The following MYH9 variants were observed in gnomAD, a reference collection of about 807,000 sequenced individuals.
MYH9 encodes the protein myosin heavy chain 9.
A neutral mutation model predicts 241.9 loss-of-function variants in MYH9; 29 were observed. The observed-to-expected ratio is 0.12, with a 90% CI of 0.09 to 0.16. The LOEUF is 0.16. MYH9 is among the 10% of genes least tolerant of loss of function. The pLI is 1.00. For missense variants in MYH9, 1,803 were observed against 2,595.5 expected (o/e 0.69, Z 6.63); for synonymous variants, 1,047 against 1,062.6 (o/e 0.99, Z 0.29).
chr22:36,297,304 C>G (rs901882981), intron 24 of MYH9: 1 of 453,452 alleles, frequency 2.2e-6, no homozygotes, highest in Non-Finnish European at 4.0e-6. Flanking sequence ...GAAGGCTGTA[C>G]CATGTCTGTA....
Position 36,375,955 on chromosome 22 carries a change from C to CTTTT in MYH9, c.-20+11848_-20+11851dup, listed in dbSNP as rs751350180. The stretch of plus-strand genomic sequence containing the variant: ...AGTACATACAAGTGCTCAATAATTT[C>CTTTT]TTTTTTTTTTTTTTTTTTTTTTTGA... On this transcript the variant is annotated intron_variant, in intron 1 of 40. Coordinates refer to ENST00000216181, the MANE Select transcript of MYH9 (RefSeq NM_002473.6). 2.9e-3 allele frequency among the ~76,000 whole-genome samples: 259 copies of CTTTT among 89,086 alleles called. 1 individual carries two copies. Among genetic ancestry groups the CTTTT allele is most frequent in the Non-Finnish European group, 4.0e-3 (189 of 47,528 alleles). 58.4% of individuals were successfully genotyped at this position (89,086 alleles called of 152,430 possible). A position where few individuals can be genotyped will look rare whatever the true frequency, so the allele number is the denominator to read the frequency against.
At chr22:36,339,696 T>C (rs1344673505) in intron 3 of MYH9, among the ~76,000 whole-genome samples, 1 of 152,148 alleles carries the variant, frequency 6.6e-6, no homozygotes, top group Non-Finnish European at 1.5e-5. Flanking sequence ...ACTGTCTAGA[T>C]AGACTGCAAA....
At chr22:36,376,270 T>C (rs2018165797) in intron 1 of MYH9, among the ~76,000 whole-genome samples, 1 of 152,096 alleles carries the variant, frequency 6.6e-6, no homozygotes, top group Non-Finnish European at 1.5e-5. Flanking sequence ...CAGTAAACTT[T>C]AATAATTATA....
chr22:36,314,913 T>G (rs2017126618), intron 12 of MYH9, among the ~76,000 whole-genome samples: 1 of 152,176 alleles, frequency 6.6e-6, no homozygotes, highest in Non-Finnish European at 1.5e-5. Flanking sequence ...CCTCTCGAAG[T>G]GCTGGGACTA....
intron 3 of MYH9, among the ~76,000 whole-genome samples, chr22:36,334,928 A>T (rs555003772): frequency 4.2e-4 from 64 of 152,274 alleles, no homozygotes; most frequent in African/African-American, 1.5e-3. Context: ...TGCTCTGTCT[A>T]GTCCAAAACC....
intron 27 of MYH9, among the ~76,000 whole-genome samples, chr22:36,294,508 C>T (rs2016758731): frequency 6.6e-6 from 1 of 152,238 alleles, no homozygotes; most frequent in African/African-American, 2.4e-5. Context: ...GTCTTCACTG[C>T]TTAGGACATC....
chr22:36,324,929 TG>T (rs2017311804), intron 5 of MYH9: 1 of 629,224 alleles, frequency 1.6e-6, no homozygotes, highest in Non-Finnish European at 2.9e-6. Context: ...GTAAGGCATA[TG>T]ATCTATTTCA....
At chr22:36,291,683 T>TAAAAAAAAAAAAAAAAAAAAAAAA (rs66686435) in intron 31 of MYH9, among the ~76,000 whole-genome samples, 1 of 86,938 alleles carries the variant, frequency 1.2e-5, no homozygotes, top group Non-Finnish European at 2.3e-5. Context: ...ATAAAAAAAT[T>TAAAAAAAAAAAAAAAAAAAAAAAA]AAAAAAAAAA....
rs1476286437 is a variant in MYH9, at chr22:36,285,450, C to T, written c.5275-121G>A. The T allele has an allele frequency of 1.3e-5, 18 of 1,338,026 alleles. No individual in the cohort carries two copies. The highest frequency in any genetic ancestry group is 2.9e-5 in the African/African-American group (2 of 69,430). The allele number at this position is 1,338,026 out of a possible 1,614,324, so 82.9% of individuals were successfully genotyped here. On this transcript the variant is annotated intron_variant, in intron 37 of 40. Transcript: ENST00000216181. The surrounding 1 kb of genome is among the most constrained non-coding windows in gnomAD (Gnocchi z 7.0). ...ACCCTTGGGGTCCAGAGTCTTGGGTCTCCCAGAAAAGGGAAGATTAGAAAC... is the reference window on the plus strand; with the variant it reads ...ACCCTTGGGGTCCAGAGTCTTGGGTTTCCCAGAAAAGGGAAGATTAGAAAC...
At chr22:36,284,297 G>C in intron 39 of MYH9, 32 bp from the exon 40 acceptor site, 1 of 1,605,416 alleles carries the variant, frequency 6.2e-7, no homozygotes, top group Non-Finnish European at 8.5e-7. Flanking sequence ...CCGTGGCCCC[G>C]GTTAGGGGCT....
intron 1 of MYH9, among the ~76,000 whole-genome samples, chr22:36,351,670 C>A (rs956021545): frequency 2.0e-5 from 3 of 152,090 alleles, no homozygotes; most frequent in African/African-American, 7.2e-5. Flanking sequence ...CCCCATCGCG[C>A]CCCTGCCCTG....
In MYH9 at chr22:36,319,543, T is replaced by G; in HGVS notation, c.1105A>C (p.Thr369Pro). Residue 369 changes from threonine to proline, a missense_variant, in exon 10 of 41, where the codon ACA becomes CCA. By Grantham distance (38) the Thr-to-Pro change is conservative (BLOSUM62 -1). This residue lies in a region of MYH9 where 222 missense variants were observed against 359.9 expected (regional missense o/e 0.62). Transcript: ENST00000216181. Reference protein sequence around the residue: ...NTDQASMPDNTAAQKVSHLLG... With the variant: ...NTDQASMPDNPAAQKVSHLLG... ...AGCGAGAGGCCCCGGGTGTTACCTGTGTTGTCGGGCATGGACGCCTGGTCA... is the reference window on the plus strand; with the variant it reads ...AGCGAGAGGCCCCGGGTGTTACCTGGGTTGTCGGGCATGGACGCCTGGTCA... 1 of 1,614,126 alleles carries G rather than the reference T, an allele frequency of 6.2e-7. No individual in the cohort carries two copies.
At chr22:36,319,918 C>A in intron 9 of MYH9, 1 of 607,770 alleles carries the variant, frequency 1.6e-6, no homozygotes, top group Non-Finnish European at 2.9e-6. Context: ...TTCTTCCACA[C>A]TCCCCGAGAC....
At chr22:36,348,485 G>A (rs888773527) in intron 2 of MYH9, among the ~76,000 whole-genome samples, 2 of 149,188 alleles carry the variant, frequency 1.3e-5, no homozygotes, top group Admixed American at 6.7e-5. Context: ...CTCCAGCGGG[G>A]GCAACAGAGC....
chr22:36,285,341 G>C lies in MYH9; in HGVS notation c.5275-12C>G. ...TTGATCTGGTCGATCTGCAGAAGAA[G>C]GGCCAGTGACCTTGGGGAGGGCTGG... is the stretch of plus-strand genomic sequence containing the variant. On this transcript the variant is annotated splice_polypyrimidine_tract_variant and intron_variant, in intron 37 of 40. Transcript: ENST00000216181. This position sits in a 1 kb window ranked among gnomAD's most constrained non-coding sequence, Gnocchi z 7.0. 6.2e-7 allele frequency: 1 copy of C among 1,605,878 alleles called. No individual in the cohort carries two copies. Among genetic ancestry groups the C allele is most frequent in the East Asian group, 2.2e-5 (1 of 44,878 alleles).
chr22:36,341,617 G>A (rs1388776693), intron 2 of MYH9, 91 bp from the exon 3 acceptor site: 2 of 1,454,416 alleles, frequency 1.4e-6, no homozygotes, highest in Admixed American at 1.7e-5. Flanking sequence ...CGGCTTCAAA[G>A]GACCCCTGAG....
chr22:36,341,312 G>A (rs1229731326), intron 3 of MYH9, 58 bp downstream of exon 3: 2 of 1,604,196 alleles, frequency 1.2e-6, no homozygotes, highest in Non-Finnish European at 1.7e-6. Context: ...CTGCAAAGGT[G>A]TCAATGAGGC....
chr22:36,313,674 G>A (rs2017104292), intron 13 of MYH9, among the ~76,000 whole-genome samples: 1 of 150,690 alleles, frequency 6.6e-6, no homozygotes, highest in Admixed American at 6.6e-5. Context: ...TTATGGGGGG[G>A]ATGAGCTGAG....
At chr22:36,373,698 G>C (rs1265221130) in intron 1 of MYH9, among the ~76,000 whole-genome samples, 5 of 152,182 alleles carry the variant, frequency 3.3e-5, no homozygotes, top group Admixed American at 3.3e-4. Context: ...ATCCTGACCA[G>C]CGGGCAGTTT....
Sources: allele counts gnomAD v4.1 joint callset (sites outside exome capture counted in the v4.1 genomes callset), GRCh38; gene constraint gnomAD v4.1.1; regional missense constraint gnomAD v4.1.1; non-coding constraint Gnocchi (gnomAD v3.1); transcripts MANE v1.5; gene names NCBI Gene and HGNC (gene_info 2026-07-23, HGNC 2026-07-21).